GRK5: variants seen among roughly 807,000 people sequenced by gnomAD.
GRK5 encodes the protein G protein-coupled receptor kinase 5.
GRK5 carries 40 observed loss-of-function variants against 78.4 expected under a neutral mutation model. The ratio of observed to expected loss-of-function variants is 0.51; its 90% confidence interval spans 0.40 to 0.66. The LOEUF is 0.66. GRK5 is among the 30% of genes least tolerant of loss of function. The probability of loss-of-function intolerance (pLI) is 0.00; values close to 1 mark genes in which losing one functional copy is unlikely to be tolerated. For missense variants in GRK5, 598 were observed against 759.9 expected, an observed-to-expected ratio of 0.79 and a Z score of 2.50; for synonymous variants, 289 against 296.8, an observed-to-expected ratio of 0.97 and a Z score of 0.27.
chr10:119,249,566 C>T (rs950036556), intron 1 of GRK5, among the ~76,000 whole-genome samples: 3 of 152,094 alleles, frequency 2.0e-5, no homozygotes, highest in African/African-American at 4.8e-5. Context: ...GGCGCGATCT[C>T]GGCTCACTGC....
At chr10:119,313,660 T>C (rs908920743) in intron 1 of GRK5, among the ~76,000 whole-genome samples, 3 of 151,612 alleles carry the variant, frequency 2.0e-5, no homozygotes, top group Non-Finnish European at 2.9e-5. Context: ...GTGGGGGAGG[T>C]GGCCTGGTGT....
intron 3 of GRK5, among the ~76,000 whole-genome samples, chr10:119,388,732 C>A (rs187909101): frequency 6.6e-6 from 1 of 152,310 alleles, no homozygotes; most frequent in Admixed American, 6.5e-5. Flanking sequence ...CATGGCTTTG[C>A]GATGTGCTGT....
At chr10:119,321,996 T>C (rs1050342343) in intron 1 of GRK5, among the ~76,000 whole-genome samples, 10 of 152,216 alleles carry the variant, frequency 6.6e-5, no homozygotes, top group African/African-American at 2.2e-4. Context: ...TTACTTTTTC[T>C]TTTGAGATGG....
At position 119,264,279 on chromosome 10, in the gene GRK5, C is replaced by A. The variant is rs1170366564; in HGVS notation, c.52+56310C>A. ...ATTACAGGTGACAGAAGCTCAACTC[C>A]AACTAGCTTAAGCAAAACAAATAAA... On this transcript the variant is annotated intron_variant, in intron 1 of 15. Transcript: ENST00000392870. This position sits in a 1 kb window ranked among gnomAD's most constrained non-coding sequence, Gnocchi z 4.1. 6.6e-6 allele frequency among the ~76,000 whole-genome samples: 1 copy of A among 152,174 alleles called. No homozygotes were observed. Among genetic ancestry groups the A allele is most frequent in the Non-Finnish European group, 1.5e-5 (1 of 68,034 alleles).
chr10:119,374,805 T>A (rs1265751780), intron 2 of GRK5, among the ~76,000 whole-genome samples: 1 of 152,254 alleles, frequency 6.6e-6, no homozygotes, highest in Non-Finnish European at 1.5e-5. Flanking sequence ...TTGTGAGATC[T>A]GGTTGTTGCA....
intron 6 of GRK5, among the ~76,000 whole-genome samples, 179 bp downstream of exon 6, chr10:119,425,264 CACAT>C (rs1377692162): frequency 1.8e-5 from 2 of 112,746 alleles, no homozygotes; most frequent in Non-Finnish European, 1.9e-5. Context: ...CAAGCACACA[CACAT>C]ACACACACAC....
intron 3 of GRK5, among the ~76,000 whole-genome samples, chr10:119,393,598 G>A (rs943517447): frequency 3.3e-5 from 5 of 152,200 alleles, no homozygotes; most frequent in African/African-American, 1.2e-4. Context: ...CATTCCCACG[G>A]TGCCGGACCA....
At chr10:119,446,588 C>T (rs1853153215) in intron 12 of GRK5, among the ~76,000 whole-genome samples, 1 of 152,168 alleles carries the variant, frequency 6.6e-6, no homozygotes, top group Admixed American at 6.5e-5. Context: ...GGGCCCAGCC[C>T]AACCCAGTGC....
rs1032511869 is a variant in GRK5, at chr10:119,257,102, G to A, written c.52+49133G>A. Among the ~76,000 whole-genome samples the A allele has an allele frequency of 2.0e-5, 3 of 152,228 alleles. No individual in the cohort carries two copies. The East Asian group carries it at 5.8e-4, about 29-fold the overall frequency. ...TGGCTGAATAATATTCCATTGGATG[G>A]ATGTACCACAATTTGTTAATCCACT... On this transcript the variant is annotated intron_variant, in intron 1 of 15. Coordinates refer to ENST00000392870, the MANE Select transcript of GRK5 (RefSeq NM_005308.3).
intron 1 of GRK5, among the ~76,000 whole-genome samples, chr10:119,230,830 CA>C (rs5788332): frequency 0.031 from 1,878 of 61,432 alleles, 20 homozygotes; most frequent in South Asian, 0.097. Context: ...GACCCTATCT[CA>C]AAAAAAAAAA....
At chr10:119,254,408 C>G (rs910721019) in intron 1 of GRK5, among the ~76,000 whole-genome samples, 3 of 151,744 alleles carry the variant, frequency 2.0e-5, no homozygotes, top group Non-Finnish European at 2.9e-5. Context: ...GTACTCTGCT[C>G]TTATTCATTC....
In GRK5 at chr10:119,255,070, GAGT is replaced by G. The variant is rs1849259931; in HGVS notation, c.52+47104_52+47106del. Among the ~76,000 whole-genome samples the G allele has an allele frequency of 3.2e-5, 4 of 125,284 alleles. No individual in the cohort carries two copies. The South Asian group carries it at 7.6e-4, about 24-fold the overall frequency. 82.2% of individuals were successfully genotyped at this position (125,284 alleles called of 152,430 possible). ...AAAAAAAAAAAAAGAAGGAAAAACA[GAGT>G]AGAGCAGGAAGCTCTGTGTATGTAT... On this transcript the variant is annotated intron_variant, in intron 1 of 15. Transcript: ENST00000392870.
Position 119,453,247 on chromosome 10 carries a change from G to C in GRK5, c.1645G>C (p.Gly549Arg). Reference sequence around the variant, plus strand: ...CCACCCTCCGGAACCGCCCAAGAAAGGGCTGCTCCAGAGACTCTTCAAGCG... The same window carrying C: ...CCACCCTCCGGAACCGCCCAAGAAACGGCTGCTCCAGAGACTCTTCAAGCG... ...RNHPPEPPKK[G>R]LLQRLFKRQH... The change falls in exon 15 of 16, where the codon GGG becomes CGG. Residue 549 changes from glycine to arginine, a missense_variant. Coordinates refer to ENST00000392870, the MANE Select transcript of GRK5 (RefSeq NM_005308.3). 1.2e-6 allele frequency: 2 copies of C among 1,614,064 alleles called. No homozygotes were observed. Among genetic ancestry groups the C allele is most frequent in the East Asian group, 2.2e-5 (1 of 44,862 alleles).
At chr10:119,291,930 CTT>C (rs1191620547) in intron 1 of GRK5, among the ~76,000 whole-genome samples, 2 of 102,050 alleles carry the variant, frequency 2.0e-5, no homozygotes, top group Non-Finnish European at 2.4e-5. Flanking sequence ...CTTCCTCCTT[CTT>C]TTCCTCCTCT....
At chr10:119,222,718 T>C (rs61876595) in intron 1 of GRK5, among the ~76,000 whole-genome samples, 13,971 of 152,168 alleles carry the variant, frequency 0.092, 768 homozygotes, top group Non-Finnish European at 0.13. Flanking sequence ...TGGGAAACAT[T>C]TGCAGATGTG....
At chr10:119,339,397 G>T (rs1389245240) in intron 2 of GRK5, among the ~76,000 whole-genome samples, 1 of 152,214 alleles carries the variant, frequency 6.6e-6, no homozygotes, top group Non-Finnish European at 1.5e-5. Context: ...ATTTGCCAGA[G>T]CTCAGGCCAT....
chr10:119,323,109 A>T (rs1342553459), intron 1 of GRK5, among the ~76,000 whole-genome samples: 1 of 152,232 alleles, frequency 6.6e-6, no homozygotes, highest in African/African-American at 2.4e-5. Flanking sequence ...AATCACAGAC[A>T]TGGAGTGTAG....
At chr10:119,282,654 G>T (rs1849781068) in intron 1 of GRK5, among the ~76,000 whole-genome samples, 1 of 152,236 alleles carries the variant, frequency 6.6e-6, no homozygotes, top group Non-Finnish European at 1.5e-5. Flanking sequence ...AGCCTGAAGG[G>T]TTGGCCCCGG....
intron 4 of GRK5, among the ~76,000 whole-genome samples, chr10:119,416,018 C>T (rs1852444062): frequency 6.6e-6 from 1 of 152,178 alleles, no homozygotes; most frequent in Non-Finnish European, 1.5e-5. Context: ...TGACGCGGGG[C>T]AAAGGATTAT....
Sources: allele counts gnomAD v4.1 joint callset (sites outside exome capture counted in the v4.1 genomes callset), GRCh38; gene constraint gnomAD v4.1.1; non-coding constraint Gnocchi (gnomAD v3.1); transcripts MANE v1.5; gene names NCBI Gene and HGNC (gene_info 2026-07-23, HGNC 2026-07-21).